Variants in EYS observed in about 807,000 individuals in gnomAD.
EYS encodes the protein protein eyes shut homolog.
A neutral mutation model predicts 282.1 loss-of-function variants in EYS; 250 were observed. The observed-to-expected ratio is 0.89, with a 90% confidence interval of 0.80 to 0.98. The LOEUF is 0.98. EYS is among the 50% of genes least tolerant of loss of function. EYS has a pLI of 0.00. For missense variants in EYS, 4,016 were observed against 3,709.0 expected, an observed-to-expected ratio of 1.08 and a Z score of -2.15; for synonymous variants, 1,355 against 1,282.9, an observed-to-expected ratio of 1.06 and a Z score of -1.20.
chr6:64,383,565 A>G (rs1042013962), intron 29 of EYS, among the ~76,000 whole-genome samples: 1 of 152,234 alleles, frequency 6.6e-6, no homozygotes, highest in African/African-American at 2.4e-5. Context: ...AATGGGTCAT[A>G]AAACATGGTA....
In EYS at chr6:65,707,203, C is replaced by T. The variant is rs1022986536; in HGVS notation, c.-516G>A. 2.6e-5 allele frequency: 4 copies of T among 152,108 alleles called. No individual in the cohort carries two copies. Among genetic ancestry groups the T allele is most frequent in the African/African-American group, 9.7e-5 (4 of 41,422 alleles). The allele number at this position is 152,108 out of a possible 1,614,324, so 9.4% of individuals were successfully genotyped here. A position where few individuals can be genotyped will look rare whatever the true frequency, so the allele number is the denominator to read the frequency against. On this transcript the variant is annotated 5_prime_UTR_variant, in exon 1 of 43. Transcript: ENST00000503581. ...GATTACGGTTAATGTCTGGACATGC[C>T]TAGCGTGTATCACTTTGTTTCTCAG...
chr6:63,875,946 AG>A (rs1772957521), intron 35 of EYS, among the ~76,000 whole-genome samples: 1 of 152,056 alleles, frequency 6.6e-6, no homozygotes, highest in African/African-American at 2.4e-5. Context: ...TGATTTTTTG[AG>A]GAGTTTTTTG....
intron 35 of EYS, among the ~76,000 whole-genome samples, chr6:63,955,252 A>G (rs1765766733): frequency 6.6e-6 from 1 of 152,134 alleles, no homozygotes; most frequent in Non-Finnish European, 1.5e-5. Flanking sequence ...TCATACTCTT[A>G]TTCACCATTC....
intron 12 of EYS, among the ~76,000 whole-genome samples, chr6:65,270,919 C>G (rs1767881586): frequency 6.6e-6 from 1 of 151,608 alleles, no homozygotes; most frequent in African/African-American, 2.4e-5. Flanking sequence ...TTCTCTACCT[C>G]TCTTCTCTTT....
At chr6:64,922,535 T>A (rs1768380356) in intron 15 of EYS, among the ~76,000 whole-genome samples, 1 of 152,080 alleles carries the variant, frequency 6.6e-6, no homozygotes, top group Non-Finnish European at 1.5e-5. Flanking sequence ...AACAAAATAT[T>A]TAAGGAGATA....
At chr6:65,386,600 A>G (rs1027694420) in intron 7 of EYS, among the ~76,000 whole-genome samples, 6 of 151,948 alleles carry the variant, frequency 3.9e-5, no homozygotes, top group Non-Finnish European at 8.8e-5. Flanking sequence ...TTAAGAATGT[A>G]AAACAGAGAA....
chr6:65,628,709 A>G (rs1367846772), intron 2 of EYS, among the ~76,000 whole-genome samples: 2 of 151,968 alleles, frequency 1.3e-5, no homozygotes, highest in Admixed American at 1.3e-4. Flanking sequence ...AGCCAGCAAG[A>G]CCACGAACCC....
At chr6:63,826,575 T>C (rs1349505109) in intron 36 of EYS, among the ~76,000 whole-genome samples, 2 of 152,112 alleles carry the variant, frequency 1.3e-5, no homozygotes, top group African/African-American at 4.8e-5. Flanking sequence ...TAGAAGGGAT[T>C]GGGGACCCAT....
At chr6:63,874,585 GCAGTATGGC>G (rs1009578209) in intron 35 of EYS, among the ~76,000 whole-genome samples, 60 of 152,256 alleles carry the variant, frequency 3.9e-4, no homozygotes, top group African/African-American at 1.4e-3. Flanking sequence ...ATTACCTTGG[GCAGTATGGC>G]CATTTTCCCG....
intron 13 of EYS, among the ~76,000 whole-genome samples, chr6:65,018,360 C>T (rs1354915562): frequency 5.9e-5 from 9 of 152,114 alleles, no homozygotes; most frequent in Non-Finnish European, 1.3e-4. Flanking sequence ...TCTTTGGCAT[C>T]CCGTAGTTGT....
At chr6:64,199,458 CT>C (rs1447803519) in intron 31 of EYS, among the ~76,000 whole-genome samples, 7 of 152,084 alleles carry the variant, frequency 4.6e-5, no homozygotes, top group Admixed American at 1.3e-4. Context: ...AATGTAAGAC[CT>C]AAACCATAAA....
At position 64,591,514 on chromosome 6, in the gene EYS, T is replaced by A; in HGVS notation, c.4353A>T (p.Ile1451=). The A allele has an allele frequency of 6.4e-7, 1 of 1,551,022 alleles. No homozygotes were observed. The highest frequency in any genetic ancestry group is 8.7e-7 in the Non-Finnish European group (1 of 1,146,472). The change falls in exon 26 of 43, where the codon ATA becomes ATT. Residue 1451 remains isoleucine (I), a synonymous_variant. Coordinates refer to ENST00000503581, the MANE Select transcript of EYS (RefSeq NM_001142800.2). The stretch of plus-strand genomic sequence containing the variant: ...CTGGAGTTGCACTTATGGAGGCAGC[T>A]ATAAGCAGGAATCCACGGGAGAGTA... ...QSLLSRGFLL[I]AASISATPVV...
At chr6:65,480,383 G>T (rs1333422992) in intron 5 of EYS, among the ~76,000 whole-genome samples, 1 of 151,912 alleles carries the variant, frequency 6.6e-6, no homozygotes, top group Non-Finnish European at 1.5e-5. Flanking sequence ...AATATACACA[G>T]ATACTACCAT....
At chr6:63,759,259 CAG>C (rs1223619420) in intron 41 of EYS, among the ~76,000 whole-genome samples, 1 of 152,058 alleles carries the variant, frequency 6.6e-6, no homozygotes, top group East Asian at 1.9e-4. Flanking sequence ...TCCCCACGAA[CAG>C]AGATTCTTAA....
chr6:63,956,830 C>A (rs949135115), intron 35 of EYS, among the ~76,000 whole-genome samples: 14 of 152,132 alleles, frequency 9.2e-5, no homozygotes, highest in Non-Finnish European at 1.8e-4. Context: ...AAAATTTTCC[C>A]GCCCCTGGAT....
chr6:64,801,048 T>C (rs1159633021), intron 22 of EYS, among the ~76,000 whole-genome samples: 1 of 152,188 alleles, frequency 6.6e-6, no homozygotes, highest in East Asian at 1.9e-4. Flanking sequence ...TTGTTTCTTT[T>C]AACTAATTCT....
chr6:64,789,398 A>G (rs1449631330), intron 22 of EYS, among the ~76,000 whole-genome samples: 1 of 152,146 alleles, frequency 6.6e-6, no homozygotes, highest in Non-Finnish European at 1.5e-5. Flanking sequence ...GCATGCACAT[A>G]CACGTTCTCT....
At chr6:64,945,512 T>A (rs879386507) in intron 15 of EYS, among the ~76,000 whole-genome samples, 4 of 152,106 alleles carry the variant, frequency 2.6e-5, no homozygotes, top group Admixed American at 2.0e-4. Context: ...AATGTTAAGA[T>A]GGCAAAAACA....
In EYS at chr6:65,240,442, A is replaced by G. The variant is rs1767030269; in HGVS notation, c.2023+55421T>C. 3.3e-5 allele frequency among the ~76,000 whole-genome samples: 5 copies of G among 151,768 alleles called. No homozygotes were observed. In the South Asian group the frequency reaches 8.3e-4, roughly 25 times the overall value. On this transcript the variant is annotated intron_variant, in intron 12 of 42. Coordinates refer to ENST00000503581, the MANE Select transcript of EYS (RefSeq NM_001142800.2). ...CACTTGCCCACCTCCTTCCCTCCCA[A>G]CCCTCTCTAGTAGCTCCCTGTCTCT...
Sources: allele counts gnomAD v4.1 joint callset (sites outside exome capture counted in the v4.1 genomes callset), GRCh38; gene constraint gnomAD v4.1.1; transcripts MANE v1.5; gene names NCBI Gene and HGNC (gene_info 2026-07-23, HGNC 2026-07-21).